The following KIAA1958 variants were observed in gnomAD, a reference collection of about 807,000 sequenced individuals.
The protein encoded by KIAA1958 is KIAA1958.
A neutral mutation model predicts 47.2 loss-of-function variants in KIAA1958; 14 were observed. The observed-to-expected ratio is 0.30, with a 90% CI of 0.20 to 0.46. KIAA1958 has a LOEUF of 0.46. Among genes scored for constraint, KIAA1958 ranks in the 20% least tolerant of loss-of-function variants. The pLI, the probability that KIAA1958 is intolerant of heterozygous loss-of-function variation, is 1.00. For synonymous variants in KIAA1958, 354 were observed against 353.3 expected, an observed-to-expected ratio of 1.00 and a Z score of -0.02; for missense variants, 803 against 909.2, an observed-to-expected ratio of 0.88 and a Z score of 1.50.
intron 2 of KIAA1958, among the ~76,000 whole-genome samples, chr9:112,584,316 A>G (rs747563294): frequency 2.0e-5 from 3 of 152,202 alleles, no homozygotes; most frequent in Non-Finnish European, 4.4e-5. Context: ...GAGCTATACA[A>G]AGCCCTCTGG....
chr9:112,617,886 C>T (rs942748085), intron 2 of KIAA1958: 1 of 1,547,854 alleles, frequency 6.5e-7, no homozygotes, highest in African/African-American at 1.4e-5. Context: ...GATGAAAGAG[C>T]AGCTGAGCTC....
intron 2 of KIAA1958, among the ~76,000 whole-genome samples, chr9:112,641,456 G>GT (rs1222714910): frequency 2.1e-5 from 3 of 143,862 alleles, no homozygotes; most frequent in Admixed American, 2.1e-4. Flanking sequence ...AGATTGTAGA[G>GT]TTTTTTCTTT....
At chr9:112,493,238 C>T (rs1834000673) in intron 1 of KIAA1958, among the ~76,000 whole-genome samples, 1 of 151,728 alleles carries the variant, frequency 6.6e-6, no homozygotes, top group Admixed American at 6.6e-5. Flanking sequence ...TCACGCATGT[C>T]TGATGATTCC....
intron 1 of KIAA1958, among the ~76,000 whole-genome samples, chr9:112,554,453 G>A (rs1359888775): frequency 6.6e-6 from 1 of 151,966 alleles, no homozygotes; most frequent in Non-Finnish European, 1.5e-5. Context: ...AGCTGAGATC[G>A]TGCCACTGCA....
chr9:112,638,531 T>G (rs1278020219), intron 2 of KIAA1958, among the ~76,000 whole-genome samples: 2 of 152,052 alleles, frequency 1.3e-5, no homozygotes, highest in Non-Finnish European at 2.9e-5. Context: ...AAAAGAAAAT[T>G]TTCTCTTTGA....
intron 1 of KIAA1958, among the ~76,000 whole-genome samples, chr9:112,560,192 CTTTTTCTTTT>C (rs1564172286): frequency 8.2e-6 from 1 of 121,516 alleles, no homozygotes; most frequent in Non-Finnish European, 1.7e-5. Context: ...CTTTTTTTTT[CTTTTTCTTTT>C]TTTTTCTTTT....
chr9:112,501,287 G>A (rs552887208), intron 1 of KIAA1958, among the ~76,000 whole-genome samples: 3 of 151,432 alleles, frequency 2.0e-5, no homozygotes, highest in Admixed American at 6.6e-5. Flanking sequence ...AAAAAAAAAA[G>A]AGAAAATTAA....
chr9:112,612,433 A>G (rs1836342479), intron 2 of KIAA1958, among the ~76,000 whole-genome samples: 1 of 152,156 alleles, frequency 6.6e-6, no homozygotes, highest in South Asian at 2.1e-4. Context: ...TAATGAATTA[A>G]GACTAAATAT....
Position 112,642,603 on chromosome 9 carries a change from C to T in KIAA1958, c.1172-3047C>T, listed in dbSNP as rs146301682. ...ATCTCATAGTCCCTTCTTTCTCTCA[C>T]GCCCAGCTCCTCCTCACCTTAAGCT... On this transcript the variant is annotated intron_variant, in intron 2 of 3. Transcript: ENST00000337530. Among the ~76,000 whole-genome samples, 624 of 152,310 alleles carry T rather than the reference C, an allele frequency of 4.1e-3. 3 individuals are homozygous for T. Among genetic ancestry groups the T allele is most frequent in the African/African-American group, 0.014 (591 of 41,560 alleles).
chr9:112,607,021 G>T (rs746256637), intron 2 of KIAA1958, among the ~76,000 whole-genome samples: 17 of 152,176 alleles, frequency 1.1e-4, no homozygotes, highest in Non-Finnish European at 2.2e-4. Context: ...TAAAGAAGGG[G>T]TGCTGAATGC....
rs539224347 is a variant in KIAA1958 at position 112,567,794 on chromosome 9, T to C, written c.-24-6263T>C. 2.6e-4 allele frequency among the ~76,000 whole-genome samples: 39 copies of C among 151,804 alleles called. No homozygotes were observed. The South Asian group carries it at 5.4e-3, about 21-fold the overall frequency. On this transcript the variant is annotated intron_variant, in intron 1 of 3. Transcript: ENST00000337530. ...TAACATGGTGAAACCCCATCACTAC[T>C]GAAAATACAAAAAGTTAGCCGGGCA... is the stretch of plus-strand genomic sequence containing the variant.
chr9:112,648,054 TC>T (rs1837005479), intron 3 of KIAA1958, among the ~76,000 whole-genome samples: 1 of 152,148 alleles, frequency 6.6e-6, no homozygotes, highest in Non-Finnish European at 1.5e-5. Context: ...GGGAGAAAAA[TC>T]AGTTAAGTCT....
chr9:112,509,032 G>A (rs1479388776), intron 1 of KIAA1958, among the ~76,000 whole-genome samples: 1 of 151,044 alleles, frequency 6.6e-6, no homozygotes, highest in Non-Finnish European at 1.5e-5. Flanking sequence ...AAAATGCCTC[G>A]AAAGATAACA....
At position 112,533,588 on chromosome 9, in the gene KIAA1958, A is replaced by ACCC. The variant is rs1330791483; in HGVS notation, c.-24-40469_-24-40468insCCC. Among the ~76,000 whole-genome samples, 1,183 of 144,250 alleles carry ACCC rather than the reference A, an allele frequency of 8.2e-3. 47 individuals are homozygous for ACCC. The East Asian group carries it at 0.12, about 15-fold the overall frequency. 94.6% of individuals were successfully genotyped at this position (144,250 alleles called of 152,430 possible). On this transcript the variant is annotated intron_variant, in intron 1 of 3. Transcript: ENST00000337530. ...ACAGCGAGACTCCATCCCAAAAAAAAAAAAAAAAAAAAAAAAAGAAAAGAG... is the reference window on the plus strand; with the variant it reads ...ACAGCGAGACTCCATCCCAAAAAAAACCCAAAAAAAAAAAAAAAAAGAAAAGAG...
chr9:112,575,305 C>T (rs1159068449), intron 2 of KIAA1958, 54 bp downstream of exon 2: 13 of 1,249,858 alleles, frequency 1.0e-5, no homozygotes, highest in East Asian at 4.7e-5. Context: ...CAGAATTCTG[C>T]GCCGTCAGCA....
intron 1 of KIAA1958, among the ~76,000 whole-genome samples, chr9:112,544,591 C>A (rs887682529): frequency 6.6e-6 from 1 of 152,184 alleles, no homozygotes. Flanking sequence ...CCCCCAGTTG[C>A]TGAATCTGTT....
At chr9:112,533,453 G>T (rs1834788854) in intron 1 of KIAA1958, among the ~76,000 whole-genome samples, 1 of 151,096 alleles carries the variant, frequency 6.6e-6, no homozygotes, top group Admixed American at 6.6e-5. Context: ...GTGGTGGTGG[G>T]TGCTGTAGTC....
rs180860811 is a variant in KIAA1958, at chr9:112,581,281, A to G, written c.1171+6030A>G. Reference sequence around the variant, plus strand: ...AAGCACTAAAGAGAGTACCTGACATATGATAAACATTCAATAAATGGATAA... The same window carrying G: ...AAGCACTAAAGAGAGTACCTGACATGTGATAAACATTCAATAAATGGATAA... On this transcript the variant is annotated intron_variant, in intron 2 of 3. Transcript: ENST00000337530. 1.2e-4 allele frequency among the ~76,000 whole-genome samples: 18 copies of G among 152,338 alleles called. No homozygotes were observed. In the East Asian group the frequency reaches 3.3e-3, roughly 28 times the overall value.
chr9:112,632,598 AT>A (rs962444374), intron 2 of KIAA1958, among the ~76,000 whole-genome samples: 1 of 152,054 alleles, frequency 6.6e-6, no homozygotes, highest in Non-Finnish European at 1.5e-5. Flanking sequence ...TATAATGCCT[AT>A]TTTTTAATGC....
Sources: gnomAD v4.1 joint callset for allele counts (sites outside exome capture counted in the v4.1 genomes callset) on GRCh38, gnomAD v4.1.1 for gene constraint, MANE v1.5 for transcripts, NCBI Gene and HGNC (gene_info 2026-07-23, HGNC 2026-07-21) for gene names.